The following CPPED1 variants were observed in gnomAD, a reference collection of about 807,000 sequenced individuals.
The protein encoded by CPPED1 is serine/threonine-protein phosphatase CPPED1.
In CPPED1, 28 loss-of-function variants were observed where a neutral mutation model predicts 28.0. The ratio of observed to expected loss-of-function variants is 1.00; its 90% CI spans 0.74 to 1.37. The LOEUF is 1.37. Ranked by LOEUF, CPPED1 falls within the 40% of genes most tolerant of loss-of-function variation. The probability of loss-of-function intolerance (pLI) is 0.00; values close to 1 mark genes in which losing one functional copy is unlikely to be tolerated. For synonymous variants in CPPED1, 198 were observed against 180.2 expected, an observed-to-expected ratio of 1.10 and a Z score of -0.79; for missense variants, 504 against 416.5, an observed-to-expected ratio of 1.21 and a Z score of -1.83.
At chr16:12,689,563 T>G (rs1332174585) in intron 3 of CPPED1, among the ~76,000 whole-genome samples, 1 of 151,720 alleles carries the variant, frequency 6.6e-6, no homozygotes, top group Non-Finnish European at 1.5e-5. Flanking sequence ...TGTTCATGAA[T>G]GGACTGCTTA....
At chr16:12,751,501 T>C (rs542389997) in intron 2 of CPPED1, among the ~76,000 whole-genome samples, 2 of 152,304 alleles carry the variant, frequency 1.3e-5, no homozygotes, top group South Asian at 2.1e-4. Flanking sequence ...TCCTCCTTCG[T>C]AGAATACAGA....
intron 2 of CPPED1, among the ~76,000 whole-genome samples, chr16:12,764,249 G>A (rs1260671682): frequency 6.6e-6 from 1 of 151,452 alleles, no homozygotes; most frequent in South Asian, 2.1e-4. Flanking sequence ...TGTCGCCCAG[G>A]CCAGAGTGCA....
chr16:12,716,826 A>G (rs187320489), intron 2 of CPPED1, among the ~76,000 whole-genome samples: 40 of 152,324 alleles, frequency 2.6e-4, no homozygotes, highest in African/African-American at 9.1e-4. Context: ...TTTGTTCTCA[A>G]TGGCCCAAGT....
chr16:12,720,342 CCTGTTT>C (rs1449356151), intron 2 of CPPED1: 7 of 154,322 alleles, frequency 4.5e-5, no homozygotes, highest in Admixed American at 3.9e-4. Flanking sequence ...AAACCAAGCA[CCTGTTT>C]GTGACTTGGC....
In CPPED1 at chr16:12,704,612, CG is replaced by C; in HGVS notation, c.715+11del. ...TCCTTCCTCCCTGAAACCCGTGGCCCGGGGCCTCTACCTGCGTGGATGAACT... is the reference window on the plus strand; with the variant it reads ...TCCTTCCTCCCTGAAACCCGTGGCCCGGGCCTCTACCTGCGTGGATGAACT... On this transcript the variant is annotated intron_variant, in intron 3 of 3. Coordinates refer to ENST00000381774, the MANE Select transcript of CPPED1 (RefSeq NM_018340.3). 6.3e-7 allele frequency: 1 copy of C among 1,597,026 alleles called. No individual in the cohort carries two copies.
At chr16:12,738,118 G>A (rs13332597) in intron 2 of CPPED1, among the ~76,000 whole-genome samples, 6,391 of 152,154 alleles carry the variant, frequency 0.042, 454 homozygotes, top group African/African-American at 0.14. Context: ...GAGATAATCC[G>A]AATGTGCATC....
rs869107040 is a variant in CPPED1 at position 12,689,217 on chromosome 16, C to CTTTTTTTT, written c.715+15399_715+15406dup. On this transcript the variant is annotated intron_variant, in intron 3 of 3. Coordinates refer to ENST00000381774, the MANE Select transcript of CPPED1 (RefSeq NM_018340.3). Reference sequence around the variant, plus strand: ...TATGATCAGCTATATGAAAAGAGGGCTTTTTTTTTTTTTTTTTTTTTTTTA... The same window carrying CTTTTTTTT: ...TATGATCAGCTATATGAAAAGAGGGCTTTTTTTTTTTTTTTTTTTTTTTTTTTTTTTTA... 1.9e-3 allele frequency among the ~76,000 whole-genome samples: 155 copies of CTTTTTTTT among 83,582 alleles called. 6 individuals carry two copies. The highest frequency in any genetic ancestry group is 7.3e-3 in the African/African-American group (146 of 20,086). The allele number at this position is 83,582 out of a possible 152,430, so 54.8% of individuals were successfully genotyped here.
Position 12,736,334 on chromosome 16 carries a change from C to A in CPPED1, c.290-31285G>T, listed in dbSNP as rs908472093. Among the ~76,000 whole-genome samples the A allele has an allele frequency of 2.0e-5, 3 of 151,944 alleles. No homozygotes were observed. The South Asian group carries it at 6.2e-4, about 31-fold the overall frequency. On this transcript the variant is annotated intron_variant, in intron 2 of 3. Coordinates refer to ENST00000381774, the MANE Select transcript of CPPED1 (RefSeq NM_018340.3). ...GATCTTGGCTCACTGCAACCTCCAC[C>A]TCCCAGGTTCGAGTGATTCTCATAC...
At chr16:12,786,962 T>G (rs1384560473) in intron 1 of CPPED1, among the ~76,000 whole-genome samples, 1 of 152,150 alleles carries the variant, frequency 6.6e-6, no homozygotes, top group Non-Finnish European at 1.5e-5. Flanking sequence ...ATGTTCTAAT[T>G]TATTACTACA....
At chr16:12,779,725 G>GA (rs531792482) in intron 2 of CPPED1, among the ~76,000 whole-genome samples, 5,883 of 152,004 alleles carry the variant, frequency 0.039, 119 homozygotes, top group Middle Eastern at 0.092. Flanking sequence ...TGGGCTGCCA[G>GA]AAAAAAGAGC....
rs1202951895 is a variant in CPPED1, at chr16:12,661,281, T to C, written c.*3605A>G. On this transcript the variant is annotated 3_prime_UTR_variant, in exon 4 of 4. Transcript: ENST00000381774. ...TATAAGGTCAATGGCCCTAGTCTAATTCAGATTTAAACTAGTGCTTGCCTT... is the reference window on the plus strand; with the variant it reads ...TATAAGGTCAATGGCCCTAGTCTAACTCAGATTTAAACTAGTGCTTGCCTT... 1.3e-5 allele frequency: 2 copies of C among 152,210 alleles called. No homozygotes were observed. The highest frequency in any genetic ancestry group is 4.8e-5 in the African/African-American group (2 of 41,444). 9.4% of individuals were successfully genotyped at this position (152,210 alleles called of 1,614,324 possible). A position where few individuals can be genotyped will look rare whatever the true frequency, so the allele number is the denominator to read the frequency against.
chr16:12,683,990 TG>T (rs2079919644), intron 3 of CPPED1, among the ~76,000 whole-genome samples: 1 of 152,126 alleles, frequency 6.6e-6, no homozygotes, highest in African/African-American at 2.4e-5. Flanking sequence ...TTCCGGGCAC[TG>T]GGTCCAAGTT....
intron 2 of CPPED1, among the ~76,000 whole-genome samples, chr16:12,742,053 A>T (rs146922966): frequency 7.0e-4 from 105 of 151,074 alleles, no homozygotes; most frequent in African/African-American, 2.4e-3. Flanking sequence ...GTGACAGAAC[A>T]AGGCTCCGTT....
chr16:12,716,488 C>A (rs933806098), intron 2 of CPPED1, among the ~76,000 whole-genome samples: 6 of 152,224 alleles, frequency 3.9e-5, no homozygotes, highest in African/African-American at 1.4e-4. Context: ...GGTGTCAGAT[C>A]CACGAACAAG....
At chr16:12,732,874 G>T (rs1045891736) in intron 2 of CPPED1, among the ~76,000 whole-genome samples, 5 of 152,092 alleles carry the variant, frequency 3.3e-5, no homozygotes, top group African/African-American at 1.2e-4. Context: ...CTGGACAATA[G>T]GATCCATCTA....
chr16:12,693,729 A>G lies in CPPED1; in HGVS notation c.715+10895T>C, dbSNP rs1292724115. On this transcript the variant is annotated intron_variant, in intron 3 of 3. Coordinates refer to ENST00000381774, the MANE Select transcript of CPPED1 (RefSeq NM_018340.3). The stretch of plus-strand genomic sequence containing the variant: ...ATGAGCGTTTCACTAAGCTGGAGAT[A>G]CTGGAATTTTACAAAGGAATCTCAC... Among the ~76,000 whole-genome samples, 46 of 152,226 alleles carry G rather than the reference A, an allele frequency of 3.0e-4. 1 individual carries two copies. The highest frequency in any genetic ancestry group is 3.0e-3 in the Admixed American group (46 of 15,282).
At position 12,670,894 on chromosome 16, in the gene CPPED1, A is replaced by T. The variant is rs1432954488; in HGVS notation, c.716-5779T>A. 6.6e-6 allele frequency among the ~76,000 whole-genome samples: 1 copy of T among 152,184 alleles called. No individual in the cohort carries two copies. Among genetic ancestry groups the T allele is most frequent in the African/African-American group, 2.4e-5 (1 of 41,450 alleles). ...GAGGTGGAGTCTCACTGTGACGCCCATGCTGAAGTACAGTGGTGCGATCTC... is the reference window on the plus strand; with the variant it reads ...GAGGTGGAGTCTCACTGTGACGCCCTTGCTGAAGTACAGTGGTGCGATCTC... On this transcript the variant is annotated intron_variant, in intron 3 of 3. Transcript: ENST00000381774. The surrounding 1 kb of genome is among the most constrained non-coding windows in gnomAD (Gnocchi z 4.2).
chr16:12,782,501 C>CTA (rs2080537820), intron 1 of CPPED1, among the ~76,000 whole-genome samples: 1 of 150,748 alleles, frequency 6.6e-6, no homozygotes, highest in Non-Finnish European at 1.5e-5. Flanking sequence ...AAATGGCCTG[C>CTA]TAGCGCTTAG....
At chr16:12,723,437 A>G (rs965255763) in intron 2 of CPPED1, among the ~76,000 whole-genome samples, 1 of 152,206 alleles carries the variant, frequency 6.6e-6, no homozygotes, top group Non-Finnish European at 1.5e-5. Flanking sequence ...CGTTAGGGTG[A>G]GCCTTAGTTC....
Sources: allele counts gnomAD v4.1 joint callset (sites outside exome capture counted in the v4.1 genomes callset), GRCh38; gene constraint gnomAD v4.1.1; non-coding constraint Gnocchi (gnomAD v3.1); transcripts MANE v1.5; gene names NCBI Gene and HGNC (gene_info 2026-07-23, HGNC 2026-07-21).